Variants in ROCK2 observed in about 807,000 individuals in gnomAD.
ROCK2 encodes Rho associated coiled-coil containing protein kinase 2.
Under a neutral mutation model 195.1 loss-of-function variants are expected in ROCK2, and 61 were observed. The observed-to-expected ratio is 0.31, with a 90% CI of 0.25 to 0.39. The LOEUF is 0.39. Ranked by LOEUF, ROCK2 falls within the 10% of genes least tolerant of loss-of-function variation. The probability of loss-of-function intolerance (pLI) is 1.00; values close to 1 mark genes in which losing one functional copy is unlikely to be tolerated. For synonymous variants in ROCK2, 504 were observed against 545.5 expected (o/e 0.92, Z 1.06); for missense variants, 1,109 against 1,637.4 (o/e 0.68, Z 5.57).
chr2:11,252,792 T>C (rs1242174277), intron 3 of ROCK2, among the ~76,000 whole-genome samples: 1 of 151,982 alleles, frequency 6.6e-6, no homozygotes, highest in Non-Finnish European at 1.5e-5. Flanking sequence ...CACACACCAG[T>C]GCCTGTCACG....
chr2:11,273,094 C>CAAAAAAAAA (rs34784074), intron 3 of ROCK2, among the ~76,000 whole-genome samples: 1 of 21,758 alleles, frequency 4.6e-5, no homozygotes, highest in Non-Finnish European at 8.9e-5. Flanking sequence ...AAATAAGGGT[C>CAAAAAAAAA]AAAAAAAAAA....
intron 3 of ROCK2, among the ~76,000 whole-genome samples, chr2:11,265,396 C>T (rs565320984): frequency 6.6e-6 from 1 of 152,236 alleles, no homozygotes; most frequent in African/African-American, 2.4e-5. Flanking sequence ...CTACTGTGAA[C>T]ATATTCATCA....
chr2:11,317,612 A>ATATATATATAT (rs59701503), intron 1 of ROCK2, among the ~76,000 whole-genome samples: 15 of 19,312 alleles, frequency 7.8e-4, no homozygotes, highest in African/African-American at 2.1e-3. Context: ...ATATATATAT[A>ATATATATATAT]TTTTTTTTTT....
At chr2:11,332,439 C>T (rs751804780) in intron 1 of ROCK2, among the ~76,000 whole-genome samples, 11 of 152,084 alleles carry the variant, frequency 7.2e-5, no homozygotes, top group Non-Finnish European at 1.3e-4. Flanking sequence ...AAAACAAAAA[C>T]AACTTAAATA....
chr2:11,241,335 G>C (rs977053219), intron 4 of ROCK2, among the ~76,000 whole-genome samples: 1 of 152,134 alleles, frequency 6.6e-6, no homozygotes, highest in Admixed American at 6.6e-5. Flanking sequence ...AAGAGTATCA[G>C]TTACCTATGG....
intron 1 of ROCK2, among the ~76,000 whole-genome samples, chr2:11,306,111 A>T (rs1028853245): frequency 1.4e-4 from 21 of 152,240 alleles, no homozygotes; most frequent in African/African-American, 4.6e-4. Context: ...CCTGGGTCAG[A>T]TTCTTTTGCT....
rs11413362 is a variant in ROCK2, at chr2:11,295,966, AAG to A, written c.142-8232_142-8231del. Among the ~76,000 whole-genome samples the A allele has an allele frequency of 5.2e-3, 402 of 77,644 alleles. 1 individual carries two copies. The highest frequency in any genetic ancestry group is 0.013 in the African/African-American group (305 of 22,790). The allele number at this position is 77,644 out of a possible 152,430, so 50.9% of individuals were successfully genotyped here. A position where few individuals can be genotyped will look rare whatever the true frequency, so the allele number is the denominator to read the frequency against. On this transcript the variant is annotated intron_variant, in intron 1 of 32. Transcript: ENST00000315872. The stretch of plus-strand genomic sequence containing the variant: ...AGCGAGATTCCATCTCAAAAAACAA[AAG>A]AGAGAGAGAGAGAGAGAGAGAGGAG...
At chr2:11,215,848 A>G (rs1261696122) in intron 13 of ROCK2, among the ~76,000 whole-genome samples, 1 of 152,222 alleles carries the variant, frequency 6.6e-6, no homozygotes, top group Non-Finnish European at 1.5e-5. Flanking sequence ...TTTGTTTACT[A>G]TTCAAACTTC....
upstream of ROCK2, among the ~76,000 whole-genome samples, chr2:11,345,158 TGA>T (rs1411333151): frequency 6.6e-6 from 1 of 152,132 alleles, no homozygotes; most frequent in Non-Finnish European, 1.5e-5. Context: ...GAGGCGAGCC[TGA>T]GAGGGGGCCC....
intron 32 of ROCK2, among the ~76,000 whole-genome samples, chr2:11,185,398 AC>A (rs1663157157): frequency 6.6e-6 from 1 of 152,158 alleles, no homozygotes; most frequent in African/African-American, 2.4e-5. Flanking sequence ...TAATTCAATA[AC>A]CTAAACTGTA....
intron 9 of ROCK2, among the ~76,000 whole-genome samples, chr2:11,219,618 A>T (rs529420053): frequency 6.6e-6 from 1 of 152,044 alleles, no homozygotes; most frequent in African/African-American, 2.4e-5. Flanking sequence ...AAATGAAACT[A>T]TACTTCCCAC....
At chr2:11,314,601 G>A (rs576875210) in intron 1 of ROCK2, among the ~76,000 whole-genome samples, 36 of 151,914 alleles carry the variant, frequency 2.4e-4, no homozygotes, top group Non-Finnish European at 4.1e-4. Flanking sequence ...GTTCCTTTTA[G>A]AACACTGTTG....
At chr2:11,258,779 T>G (rs1572323450) in intron 3 of ROCK2, among the ~76,000 whole-genome samples, 1 of 150,082 alleles carries the variant, frequency 6.7e-6, no homozygotes. Flanking sequence ...GGATGGGAGG[T>G]AGGATAAGTC....
At chr2:11,308,372 A>G (rs1449365949) in intron 1 of ROCK2, 27 of 1,393,782 alleles carry the variant, frequency 1.9e-5, no homozygotes, top group Non-Finnish European at 2.8e-5. Flanking sequence ...TGTCCCATTA[A>G]GAAGAATTTT....
At chr2:11,244,922 G>A (rs182893430) in intron 4 of ROCK2, among the ~76,000 whole-genome samples, 8 of 151,964 alleles carry the variant, frequency 5.3e-5, no homozygotes, top group Admixed American at 3.3e-4. Flanking sequence ...TAGTCTTACC[G>A]TAATAAGAAA....
chr2:11,182,093 A>G lies in ROCK2; in HGVS notation c.*1344T>C, dbSNP rs549344274. ...ATAAAACACACACTTATCTGGGATC[A>G]TGAGAATACGGCAAGAATGTCCTGC... On this transcript the variant is annotated 3_prime_UTR_variant, in exon 33 of 33. Transcript: ENST00000315872. The G allele has an allele frequency of 1.3e-5, 2 of 152,300 alleles. No homozygotes were observed. Among genetic ancestry groups the G allele is most frequent in the Non-Finnish European group, 2.9e-5 (2 of 68,022 alleles). 9.4% of individuals were successfully genotyped at this position (152,300 alleles called of 1,614,324 possible). A position where few individuals can be genotyped will look rare whatever the true frequency, so the allele number is the denominator to read the frequency against.
At position 11,287,744 on chromosome 2, in the gene ROCK2, G is replaced by A; in HGVS notation, c.142-8C>T. 8.5e-7 allele frequency: 1 copy of A among 1,173,570 alleles called. No individual in the cohort carries two copies. Among genetic ancestry groups the A allele is most frequent in the South Asian group, 2.2e-5 (1 of 45,350 alleles). 72.7% of individuals were successfully genotyped at this position (1,173,570 alleles called of 1,614,324 possible). The stretch of plus-strand genomic sequence containing the variant: ...CAAGGAATTTAAGCCATCCTGTTAA[G>A]AAATAAAAAGAGGAAATGACAGTTT... On this transcript the variant is annotated splice_region_variant and splice_polypyrimidine_tract_variant and intron_variant, in intron 1 of 32. Coordinates refer to ENST00000315872, the MANE Select transcript of ROCK2 (RefSeq NM_004850.5).
chr2:11,329,700 C>CAA (rs5829300), intron 1 of ROCK2, among the ~76,000 whole-genome samples: 189 of 147,828 alleles, frequency 1.3e-3, no homozygotes, highest in East Asian at 3.7e-3. Context: ...CCCATTTTTA[C>CAA]AAAAAAAAAA....
At chr2:11,300,198 A>C (rs1479355014) in intron 1 of ROCK2, among the ~76,000 whole-genome samples, 1 of 152,198 alleles carries the variant, frequency 6.6e-6, no homozygotes, top group Non-Finnish European at 1.5e-5. Flanking sequence ...ATTTCTGGCA[A>C]TAACAGCACC....
Sources: allele counts gnomAD v4.1 joint callset (sites outside exome capture counted in the v4.1 genomes callset), GRCh38; gene constraint gnomAD v4.1.1; transcripts MANE v1.5; gene names NCBI Gene and HGNC (gene_info 2026-07-23, HGNC 2026-07-21).